ELAVL4: variants seen among roughly 807,000 people sequenced by gnomAD.
The protein encoded by ELAVL4 is ELAV like RNA binding protein 4, also known as ELAV-like protein 4.
ELAVL4 carries 1 observed loss-of-function variant against 35.6 expected under a neutral mutation model. The observed-to-expected ratio is 0.03, with a 90% CI of 0.01 to 0.13. ELAVL4 has a LOEUF of 0.13. Among genes scored for constraint, ELAVL4 ranks in the 10% least tolerant of loss-of-function variants. The pLI is 1.00. For missense variants in ELAVL4, 267 were observed against 464.9 expected, an observed-to-expected ratio of 0.57 and a Z score of 3.91; for synonymous variants, 156 against 171.0, an observed-to-expected ratio of 0.91 and a Z score of 0.69.
In ELAVL4 at chr1:50,144,995, G is replaced by C; in HGVS notation, c.48G>C (p.Pro16=). 6.2e-7 allele frequency: 1 copy of C among 1,613,592 alleles called. No individual in the cohort carries two copies. The highest frequency in any genetic ancestry group is 8.5e-7 in the Non-Finnish European group (1 of 1,179,878). ...STMEPQVSNG[P]TSNTSNGPSS... ...TGGAGCCTCAGGTGTCAAATGGTCC[G>C]ACATCCAATACAAGCAATGGACCCT... Residue 16 remains proline (P), a synonymous_variant, in exon 2 of 7, where the codon CCG becomes CCC. Transcript: ENST00000371824.
intron 1 of ELAVL4, among the ~76,000 whole-genome samples, chr1:50,133,478 C>T (rs960365717): frequency 2.0e-5 from 3 of 151,946 alleles, no homozygotes; most frequent in Non-Finnish European, 4.4e-5. Context: ...CAATGGTATC[C>T]AACTGGCCCT....
At chr1:50,189,327 C>T (rs1325307867) in intron 3 of ELAVL4, among the ~76,000 whole-genome samples, 1 of 152,318 alleles carries the variant, frequency 6.6e-6, no homozygotes, top group African/African-American at 2.4e-5. Flanking sequence ...GTTGTGGGTG[C>T]TGCATGGGAA....
intron 1 of ELAVL4, among the ~76,000 whole-genome samples, chr1:50,127,253 G>A (rs1670097114): frequency 1.3e-5 from 2 of 152,042 alleles, no homozygotes; most frequent in African/African-American, 4.8e-5. Flanking sequence ...TGTACTGCCT[G>A]CTGGGAGTAA....
chr1:50,076,733 C>A (rs984002222), intron 1 of ELAVL4, among the ~76,000 whole-genome samples: 1 of 151,868 alleles, frequency 6.6e-6, no homozygotes, highest in African/African-American at 2.4e-5. Context: ...TCTGTAAGGC[C>A]AGGGAGAATG....
intron 1 of ELAVL4, among the ~76,000 whole-genome samples, chr1:50,143,740 T>C (rs187096377): frequency 1.6e-4 from 25 of 152,204 alleles, no homozygotes; most frequent in African/African-American, 5.5e-4. Flanking sequence ...AAATGGAAAG[T>C]TGCGAATTAT....
upstream of ELAVL4, chr1:50,106,163 C>G (rs981012793): frequency 5.7e-6 from 3 of 529,216 alleles, no homozygotes; most frequent in African/African-American, 1.9e-5. Context: ...TTTCCTAGCC[C>G]ATTGTGCCAC....
intron 2 of ELAVL4, among the ~76,000 whole-genome samples, chr1:50,167,897 A>G (rs1280501178): frequency 6.6e-6 from 1 of 152,198 alleles, no homozygotes; most frequent in Non-Finnish European, 1.5e-5. Context: ...CCAATTTTGC[A>G]ATCATGCTTC....
At chr1:50,172,771 A>C (rs1233304949) in intron 2 of ELAVL4, among the ~76,000 whole-genome samples, 1 of 152,228 alleles carries the variant, frequency 6.6e-6, no homozygotes, top group African/African-American at 2.4e-5. Flanking sequence ...CTATAAAATG[A>C]TAATTATCTC....
At chr1:50,155,338 C>T (rs1046104673) in intron 2 of ELAVL4, among the ~76,000 whole-genome samples, 1 of 152,086 alleles carries the variant, frequency 6.6e-6, no homozygotes, top group Admixed American at 6.6e-5. Flanking sequence ...CACACCCTCT[C>T]CCACCACTGG....
At chr1:50,081,900 A>G (rs533964057) in intron 1 of ELAVL4, among the ~76,000 whole-genome samples, 1 of 151,424 alleles carries the variant, frequency 6.6e-6, no homozygotes, top group South Asian at 2.1e-4. Context: ...TCATTGTTCA[A>G]CTCCCATTTA....
intron 1 of ELAVL4, among the ~76,000 whole-genome samples, chr1:50,133,627 G>GAAAGAA (rs1553174522): frequency 6.7e-6 from 1 of 149,002 alleles, no homozygotes; most frequent in Non-Finnish European, 1.5e-5. Flanking sequence ...AAGAAAGAAA[G>GAAAGAA]AAAGAAAGAA....
chr1:50,102,707 T>C (rs1666053374), upstream of ELAVL4, among the ~76,000 whole-genome samples: 1 of 152,172 alleles, frequency 6.6e-6, no homozygotes, highest in Admixed American at 6.5e-5. Context: ...GGTTGTTTGT[T>C]TGTTTCTTTG....
chr1:50,079,002 C>G lies in ELAVL4; in HGVS notation c.18+30820C>G, dbSNP rs147332909. Among the ~76,000 whole-genome samples the G allele has an allele frequency of 2.0e-4, 30 of 152,300 alleles. No homozygotes were observed. In the East Asian group the frequency reaches 5.0e-3, roughly 25 times the overall value. On this transcript the variant is annotated intron_variant, in intron 1 of 6. Transcript: ENST00000448907. ...AAATACCATCTGCTGGATCTGAGTT[C>G]TAGTTATTATCCATCTCTCATCAAG...
chr1:50,175,665 G>C (rs1420282611), intron 2 of ELAVL4: 1 of 152,166 alleles, frequency 6.6e-6, no homozygotes, highest in African/African-American at 2.4e-5. Flanking sequence ...GCTTTCTTGT[G>C]ATTCTCTTTG....
chr1:50,081,773 C>A (rs1320148039), intron 1 of ELAVL4, among the ~76,000 whole-genome samples: 2 of 152,170 alleles, frequency 1.3e-5, no homozygotes, highest in Non-Finnish European at 2.9e-5. Flanking sequence ...TGGTTTGCTG[C>A]ACCCATCAAC....
intron 3 of ELAVL4, among the ~76,000 whole-genome samples, chr1:50,192,563 A>ACACACACTCT (rs766597516): frequency 1.4e-5 from 2 of 144,438 alleles, no homozygotes; most frequent in Non-Finnish European, 3.0e-5. Flanking sequence ...ACACACACAC[A>ACACACACTCT]CTCTCACCCC....
rs934614308 is a variant in ELAVL4, at chr1:50,085,424, T to C, written c.18+37242T>C. 5.3e-5 allele frequency among the ~76,000 whole-genome samples: 8 copies of C among 152,162 alleles called. No homozygotes were observed. The East Asian group carries it at 9.6e-4, about 18-fold the overall frequency. Reference sequence around the variant, plus strand: ...GAGGCCAAGGTAGGAGGATGGCTTGTGGCCAAGGGTTCTAGAGAAGAGCGG... The same window carrying C: ...GAGGCCAAGGTAGGAGGATGGCTTGCGGCCAAGGGTTCTAGAGAAGAGCGG... On this transcript the variant is annotated intron_variant, in intron 1 of 6. Transcript: ENST00000448907.
intron 2 of ELAVL4, among the ~76,000 whole-genome samples, chr1:50,161,504 T>C (rs949996393): frequency 6.6e-6 from 1 of 152,226 alleles, no homozygotes; most frequent in Non-Finnish European, 1.5e-5. Flanking sequence ...TTTAACTAAG[T>C]ACTTGATACC....
In ELAVL4 at chr1:50,165,377, T is replaced by C. The variant is rs144751678; in HGVS notation, c.251-11712T>C. Among the ~76,000 whole-genome samples, 23 of 151,772 alleles carry C rather than the reference T, an allele frequency of 1.5e-4. No individual in the cohort carries two copies. In the East Asian group the frequency reaches 3.9e-3, roughly 26 times the overall value. ...ATCATGTTAGCAGTGAGGCCTTACC[T>C]GACCATCTGTATTAGTGAGGGTTCT... is the stretch of plus-strand genomic sequence containing the variant. On this transcript the variant is annotated intron_variant, in intron 2 of 6. Transcript: ENST00000371824.
Sources: allele counts gnomAD v4.1 joint callset (sites outside exome capture counted in the v4.1 genomes callset), GRCh38; gene constraint gnomAD v4.1.1; transcripts MANE v1.5; gene names NCBI Gene and HGNC (gene_info 2026-07-23, HGNC 2026-07-21).